Variants in HNF4A observed in about 807,000 individuals in gnomAD.
HNF4A encodes the protein hepatocyte nuclear factor 4-alpha.
HNF4A carries 15 observed loss-of-function variants against 52.4 expected under a neutral mutation model. The ratio of observed to expected loss-of-function variants is 0.29; its 90% CI spans 0.19 to 0.44. The LOEUF (loss-of-function observed/expected upper bound fraction) is 0.44. HNF4A is among the 20% of genes least tolerant of loss of function. HNF4A has a pLI of 1.00. For synonymous variants in HNF4A, 280 were observed against 264.4 expected (o/e 1.06, Z -0.57); for missense variants, 479 against 647.2 (o/e 0.74, Z 2.82).
At chr20:44,361,655 C>T (rs115357559) in intron 1 of HNF4A, among the ~76,000 whole-genome samples, 3,594 of 151,836 alleles carry the variant, frequency 0.024, 128 homozygotes, top group African/African-American at 0.083. Context: ...TCTAGCCTGG[C>T]GACAGGAGTC....
intron 7 of HNF4A, among the ~76,000 whole-genome samples, chr20:44,422,582 G>C (rs1355563258): frequency 6.6e-6 from 1 of 151,174 alleles, no homozygotes; most frequent in East Asian, 1.9e-4. Flanking sequence ...CTAGGCTAAG[G>C]ATCTAGAATT....
At position 44,432,344 on chromosome 20, in the gene HNF4A, C is replaced by CTTTTTTTTT. The variant is rs11450239; in HGVS notation, c.*2695_*2703dup. On this transcript the variant is annotated 3_prime_UTR_variant, in exon 10 of 10. Transcript: ENST00000316099. ...ATGATATTAGAAAATCTCTCGCTCTCTTTTTTTTTTTTTTTTTTTTTTTTG... is the reference window on the plus strand; with the variant it reads ...ATGATATTAGAAAATCTCTCGCTCTCTTTTTTTTTTTTTTTTTTTTTTTTTTTTTTTTTG... 6.6e-4 allele frequency: 39 copies of CTTTTTTTTT among 58,960 alleles called. No homozygotes were observed. Among genetic ancestry groups the CTTTTTTTTT allele is most frequent in the Admixed American group, 1.4e-3 (5 of 3,486 alleles). The allele number at this position is 58,960 out of a possible 1,614,324, so 3.7% of individuals were successfully genotyped here. A position where few individuals can be genotyped will look rare whatever the true frequency, so the allele number is the denominator to read the frequency against.
intron 1 of HNF4A, among the ~76,000 whole-genome samples, chr20:44,368,583 A>G (rs1347274179): frequency 2.0e-5 from 3 of 152,036 alleles, no homozygotes; most frequent in Non-Finnish European, 4.4e-5. Flanking sequence ...AGTTCTATTT[A>G]CCCCTCAGGG....
rs532108332 is a variant in HNF4A at position 44,371,983 on chromosome 20, G to A, written c.49+16130G>A. ...CCACTATTCCTTAGTGTCCCCATACGGAAACTTATTAATGAACATAAATCA... is the reference window on the plus strand; with the variant it reads ...CCACTATTCCTTAGTGTCCCCATACAGAAACTTATTAATGAACATAAATCA... On this transcript the variant is annotated intron_variant, in intron 1 of 9. Transcript: ENST00000316673. 4.6e-5 allele frequency among the ~76,000 whole-genome samples: 7 copies of A among 152,182 alleles called. No individual in the cohort carries two copies. In the South Asian group the frequency reaches 1.2e-3, roughly 27 times the overall value.
intron 3 of HNF4A, among the ~76,000 whole-genome samples, chr20:44,411,480 G>C (rs938421345): frequency 6.8e-6 from 1 of 147,278 alleles, no homozygotes; most frequent in Non-Finnish European, 1.5e-5. Flanking sequence ...GCCACTCGGC[G>C]CCCTGATGGG....
At chr20:44,411,617 C>A (rs2063585045) in intron 3 of HNF4A, among the ~76,000 whole-genome samples, 1 of 152,162 alleles carries the variant, frequency 6.6e-6, no homozygotes, top group African/African-American at 2.4e-5. Context: ...AGGTTGCTTG[C>A]CTCTGGACTT....
intron 1 of HNF4A, among the ~76,000 whole-genome samples, chr20:44,374,259 A>G (rs2063062580): frequency 6.6e-6 from 1 of 152,070 alleles, no homozygotes; most frequent in Non-Finnish European, 1.5e-5. Flanking sequence ...GTGTTGATTC[A>G]CTTAGGATGA....
At chr20:44,411,584 C>A (rs988390637) in intron 3 of HNF4A, among the ~76,000 whole-genome samples, 3 of 152,272 alleles carry the variant, frequency 2.0e-5, no homozygotes, top group Admixed American at 6.5e-5. Context: ...GAGCTGGCCC[C>A]GTCCACATGG....
intron 7 of HNF4A, among the ~76,000 whole-genome samples, chr20:44,423,634 G>A (rs1189387450): frequency 6.6e-6 from 1 of 152,216 alleles, no homozygotes; most frequent in Admixed American, 6.5e-5. Context: ...AAAACCCCAA[G>A]TTCCCATTGT....
intron 1 of HNF4A, among the ~76,000 whole-genome samples, chr20:44,401,847 G>A (rs2063414631): frequency 6.6e-6 from 1 of 152,082 alleles, no homozygotes; most frequent in African/African-American, 2.4e-5. Context: ...GCCCAGCACG[G>A]CCCCTTCGTG....
chr20:44,416,521 C>T (rs1172508496), intron 5 of HNF4A, among the ~76,000 whole-genome samples: 4 of 152,260 alleles, frequency 2.6e-5, no homozygotes, highest in Non-Finnish European at 5.9e-5. Flanking sequence ...GCGCAGGAGG[C>T]GCTTGGCAAT....
intron 1 of HNF4A, among the ~76,000 whole-genome samples, chr20:44,385,138 G>A (rs139183626): frequency 9.7e-4 from 135 of 139,512 alleles, no homozygotes; most frequent in African/African-American, 3.4e-3. Context: ...CTGAGCTAGG[G>A]TTTGGTTCTG....
intron 1 of HNF4A, chr20:44,402,471 C>T: frequency 1.0e-6 from 1 of 957,496 alleles, no homozygotes; most frequent in African/African-American, 1.7e-5. Context: ...TGCACGACTG[C>T]ACAGACCCAA....
At chr20:44,424,358 C>T in intron 8 of HNF4A, 104 bp downstream of exon 8, 1 of 1,545,278 alleles carries the variant, frequency 6.5e-7, no homozygotes, top group Non-Finnish European at 8.8e-7. Context: ...CCCCACTGTG[C>T]CGCTTTGGGC....
At chr20:44,390,723 G>A in intron 1 of HNF4A, 2 of 697,592 alleles carry the variant, frequency 2.9e-6, no homozygotes, top group South Asian at 1.5e-5. Context: ...AGGATGGGAT[G>A]GTAGGAGAGA....
At chr20:44,366,022 C>T (rs2146181296) in intron 1 of HNF4A, among the ~76,000 whole-genome samples, 1 of 152,050 alleles carries the variant, frequency 6.6e-6, no homozygotes, top group East Asian at 1.9e-4. Flanking sequence ...GAGGTCAAGG[C>T]AGAAAAATTG....
rs1370391325 is a variant in HNF4A at position 44,356,014 on chromosome 20, G to C, written c.49+161G>C. 3.3e-5 allele frequency among the ~76,000 whole-genome samples: 5 copies of C among 150,656 alleles called. No individual in the cohort carries two copies. In the East Asian group the frequency reaches 9.6e-4, roughly 29 times the overall value. On this transcript the variant is annotated intron_variant, in intron 1 of 9. Coordinates refer to the HNF4A transcript ENST00000316673. ...GGAGGCAATGTGACCGCTTCCCTAA[G>C]CTCTCAAGCCGGGGCATGGCCTGCT...
intron 1 of HNF4A, among the ~76,000 whole-genome samples, chr20:44,368,788 C>T (rs2146195866): frequency 6.6e-6 from 1 of 152,250 alleles, no homozygotes. Flanking sequence ...TGAGTAATAG[C>T]CATAATAGTA....
chr20:44,413,166 C>G (rs903627754), intron 3 of HNF4A, among the ~76,000 whole-genome samples: 1 of 152,198 alleles, frequency 6.6e-6, no homozygotes, highest in Non-Finnish European at 1.5e-5. Context: ...GGGAGGGAGA[C>G]AGCGCCTGGC....
Sources: gnomAD v4.1 joint callset for allele counts (sites outside exome capture counted in the v4.1 genomes callset) on GRCh38, gnomAD v4.1.1 for gene constraint, MANE v1.5 for transcripts, NCBI Gene and HGNC (gene_info 2026-07-23, HGNC 2026-07-21) for gene names.